The following ARHGAP15 variants were observed in gnomAD, a reference collection of about 807,000 sequenced individuals.
ARHGAP15 encodes the protein Rho GTPase activating protein 15.
ARHGAP15 carries 51 observed loss-of-function variants against 63.7 expected under a neutral mutation model. The ratio of observed to expected loss-of-function variants is 0.80; its 90% CI spans 0.64 to 1.01. The LOEUF (loss-of-function observed/expected upper bound fraction) is 1.01, where lower values mean the gene tolerates loss of function less well. Ranked by LOEUF, ARHGAP15 falls within the 50% of genes least tolerant of loss-of-function variation. The pLI is 0.00. For missense variants in ARHGAP15, 560 were observed against 564.6 expected (o/e 0.99, Z 0.08); for synonymous variants, 191 against 193.8 (o/e 0.99, Z 0.12).
intron 13 of ARHGAP15, among the ~76,000 whole-genome samples, chr2:143,720,333 G>T (rs922515094): frequency 1.3e-5 from 2 of 152,158 alleles, no homozygotes; most frequent in Non-Finnish European, 2.9e-5. Context: ...CAGATTGGAA[G>T]TCAGCCAGGA....
chr2:143,214,037 G>A (rs1163323620), intron 3 of ARHGAP15, among the ~76,000 whole-genome samples: 1 of 152,148 alleles, frequency 6.6e-6, no homozygotes, highest in Non-Finnish European at 1.5e-5. Context: ...CCCTATAAGA[G>A]TATTAGCTTT....
intron 9 of ARHGAP15, among the ~76,000 whole-genome samples, chr2:143,491,121 G>A (rs1341463298): frequency 6.6e-6 from 1 of 152,146 alleles, no homozygotes; most frequent in Admixed American, 6.5e-5. Context: ...GTTTGCCAAG[G>A]AATGGTGAGC....
At chr2:143,579,086 G>A (rs1696789611) in intron 11 of ARHGAP15, among the ~76,000 whole-genome samples, 1 of 152,052 alleles carries the variant, frequency 6.6e-6, no homozygotes, top group African/African-American at 2.4e-5. Context: ...TACTCAAAAT[G>A]CCACAGCATA....
chr2:143,539,013 AT>A (rs749969129), intron 10 of ARHGAP15, among the ~76,000 whole-genome samples: 1 of 151,778 alleles, frequency 6.6e-6, no homozygotes. Context: ...CTGGTCCTGG[AT>A]TTTTTTGGTT....
At chr2:143,284,899 C>A (rs188916164) in intron 6 of ARHGAP15, among the ~76,000 whole-genome samples, 19 of 152,268 alleles carry the variant, frequency 1.2e-4, no homozygotes, top group Middle Eastern at 3.4e-3. Context: ...AATATGGTTC[C>A]CATGTCTCAA....
chr2:143,742,322 T>C (rs1413121445), intron 13 of ARHGAP15, among the ~76,000 whole-genome samples: 1 of 152,224 alleles, frequency 6.6e-6, no homozygotes, highest in Non-Finnish European at 1.5e-5. Flanking sequence ...CCCACGTGAC[T>C]GCAGATGGAA....
chr2:143,542,335 G>A (rs1317229268), intron 10 of ARHGAP15, among the ~76,000 whole-genome samples: 5 of 151,972 alleles, frequency 3.3e-5, no homozygotes, highest in Admixed American at 3.3e-4. Context: ...CGGGTGAGGC[G>A]ATGCCTCGCC....
chr2:143,476,952 A>G (rs1018459695), intron 8 of ARHGAP15, among the ~76,000 whole-genome samples: 1 of 152,200 alleles, frequency 6.6e-6, no homozygotes, highest in Non-Finnish European at 1.5e-5. Context: ...TGCTTTTGCT[A>G]TACACATGAT....
At chr2:143,456,982 TATTA>T (rs1304237925) in intron 8 of ARHGAP15, among the ~76,000 whole-genome samples, 5 of 152,190 alleles carry the variant, frequency 3.3e-5, no homozygotes, top group African/African-American at 4.8e-5. Context: ...AACTAGCATT[TATTA>T]ATTTAACAGA....
chr2:143,132,458 A>C (rs974630230), intron 1 of ARHGAP15, among the ~76,000 whole-genome samples: 1 of 152,214 alleles, frequency 6.6e-6, no homozygotes, highest in Admixed American at 6.5e-5. Flanking sequence ...TCAAGCTCCT[A>C]CTGAGTTGAT....
intron 6 of ARHGAP15, among the ~76,000 whole-genome samples, chr2:143,254,606 A>T (rs552639739): frequency 2.8e-5 from 4 of 141,644 alleles, no homozygotes; most frequent in African/African-American, 1.0e-4. Context: ...GTCCAAGGAG[A>T]TACCCCCTTA....
At chr2:143,482,040 G>C (rs1028612000) in intron 8 of ARHGAP15, among the ~76,000 whole-genome samples, 3 of 152,102 alleles carry the variant, frequency 2.0e-5, no homozygotes, top group African/African-American at 7.2e-5. Context: ...ATCTCCAATG[G>C]GAAAAGCAGA....
intron 6 of ARHGAP15, among the ~76,000 whole-genome samples, chr2:143,411,124 G>C (rs2105022674): frequency 6.6e-6 from 1 of 152,230 alleles, no homozygotes; most frequent in Admixed American, 6.5e-5. Context: ...AAAATCACTT[G>C]AACCTCAGAA....
At chr2:143,351,517 T>C (rs574575919) in intron 6 of ARHGAP15, 1 of 152,308 alleles carries the variant, frequency 6.6e-6, no homozygotes, top group African/African-American at 2.4e-5. Context: ...ACAAAGTATA[T>C]TTGCCATGAT....
At chr2:143,333,747 T>C (rs1162525074) in intron 6 of ARHGAP15, among the ~76,000 whole-genome samples, 3 of 152,146 alleles carry the variant, frequency 2.0e-5, no homozygotes, top group African/African-American at 4.8e-5. Flanking sequence ...TGCAATGTTA[T>C]AGCATTAGGC....
intron 13 of ARHGAP15, among the ~76,000 whole-genome samples, chr2:143,762,392 A>T (rs918731809): frequency 6.6e-6 from 1 of 152,184 alleles, no homozygotes; most frequent in African/African-American, 2.4e-5. Context: ...AACAGGTTAA[A>T]TGGTAGCTCA....
chr2:143,652,024 T>A (rs1370864548), intron 12 of ARHGAP15, among the ~76,000 whole-genome samples: 5 of 152,058 alleles, frequency 3.3e-5, no homozygotes, highest in Admixed American at 2.6e-4. Context: ...GTTGTCCATG[T>A]AAGTAGAGGT....
At chr2:143,658,126 T>C (rs1284731210) in intron 12 of ARHGAP15, among the ~76,000 whole-genome samples, 1 of 152,244 alleles carries the variant, frequency 6.6e-6, no homozygotes, top group Admixed American at 6.5e-5. Flanking sequence ...CAGAAATTCT[T>C]ACCAAGGGAT....
At chr2:143,298,334 G>A (rs549876023) in intron 6 of ARHGAP15, among the ~76,000 whole-genome samples, 13 of 152,004 alleles carry the variant, frequency 8.6e-5, no homozygotes, top group South Asian at 2.1e-4. Flanking sequence ...TTAGCATCTC[G>A]TAATACTGAA....
Sources: allele counts gnomAD v4.1 joint callset (sites outside exome capture counted in the v4.1 genomes callset), GRCh38; gene constraint gnomAD v4.1.1; transcripts MANE v1.5; gene names NCBI Gene and HGNC (gene_info 2026-07-23, HGNC 2026-07-21).